Variants in MARCHF1 observed in about 807,000 individuals in gnomAD.
MARCHF1 encodes the protein E3 ubiquitin-protein ligase MARCHF1.
A neutral mutation model predicts 54.2 loss-of-function variants in MARCHF1; 40 were observed. The observed-to-expected ratio is 0.74, with a 90% CI of 0.57 to 0.96. MARCHF1 has a LOEUF of 0.96. Among genes scored for constraint, MARCHF1 ranks in the 40% least tolerant of loss-of-function variants. The pLI is 0.00. For missense variants in MARCHF1, 586 were observed against 656.5 expected, an observed-to-expected ratio of 0.89 and a Z score of 1.17; for synonymous variants, 236 against 236.3, an observed-to-expected ratio of 1.00 and a Z score of 0.01.
chr4:164,136,381 G>C lies in MARCHF1; in HGVS notation c.-322-24719C>G, dbSNP rs540581436. On this transcript the variant is annotated intron_variant, in intron 1 of 9. Transcript: ENST00000514618. ...AGAGGGGCCCAGCTAAGTGCCAACA[G>C]ATATCCCTTGGACTGAAACTCCTTC... 2.3e-3 allele frequency among the ~76,000 whole-genome samples: 344 copies of C among 151,816 alleles called. 2 individuals carry two copies. The highest frequency in any genetic ancestry group is 7.9e-3 in the African/African-American group (326 of 41,290).
intron 3 of MARCHF1, among the ~76,000 whole-genome samples, chr4:163,923,603 A>C (rs1472723422): frequency 1.3e-5 from 2 of 152,092 alleles, no homozygotes; most frequent in Non-Finnish European, 2.9e-5. Flanking sequence ...TGAGCCTAAG[A>C]TCAATATGCT....
Position 163,527,013 on chromosome 4 carries a change from A to C in MARCHF1, c.*1735T>G, listed in dbSNP as rs746379754. The stretch of plus-strand genomic sequence containing the variant: ...GAAGAACAAGCACACTGATAATTAC[A>C]AAGTGCATCCATGTGATACCCAGAT... On this transcript the variant is annotated 3_prime_UTR_variant, in exon 10 of 10. Coordinates refer to ENST00000514618, the MANE Select transcript of MARCHF1 (RefSeq NM_001394959.1). 2 of 151,854 alleles carry C rather than the reference A, an allele frequency of 1.3e-5. No homozygotes were observed. Among genetic ancestry groups the C allele is most frequent in the East Asian group, 3.9e-4 (2 of 5,174 alleles). The allele number at this position is 151,854 out of a possible 1,614,324, so 9.4% of individuals were successfully genotyped here. A position where few individuals can be genotyped will look rare whatever the true frequency, so the allele number is the denominator to read the frequency against.
At chr4:163,825,048 G>A (rs532540061) in intron 4 of MARCHF1, among the ~76,000 whole-genome samples, 4 of 151,946 alleles carry the variant, frequency 2.6e-5, no homozygotes, top group Non-Finnish European at 4.4e-5. Context: ...TGGTGGGACC[G>A]TAAACTAGTT....
At position 163,596,446 on chromosome 4, in the gene MARCHF1, G is replaced by A. The variant is rs185468407; in HGVS notation, c.1011-10517C>T. 2.8e-4 allele frequency among the ~76,000 whole-genome samples: 42 copies of A among 151,214 alleles called. 1 individual carries two copies. Among genetic ancestry groups the A allele is most frequent in the African/African-American group, 9.0e-4 (37 of 41,168 alleles). ...TCCCAGTTGTTTGGGAAGCTGAGGC[G>A]GGAGAATCGCTTGAACTCGGGAGGC... On this transcript the variant is annotated intron_variant, in intron 7 of 9. Coordinates refer to ENST00000514618, the MANE Select transcript of MARCHF1 (RefSeq NM_001394959.1).
intron 8 of MARCHF1, among the ~76,000 whole-genome samples, chr4:163,581,359 G>A (rs1740227563): frequency 6.6e-6 from 1 of 152,122 alleles, no homozygotes; most frequent in Admixed American, 6.5e-5. Flanking sequence ...AGTATGTGGT[G>A]GTCATATCAG....
At chr4:164,060,933 TA>T (rs1323080800) in intron 2 of MARCHF1, among the ~76,000 whole-genome samples, 1 of 152,164 alleles carries the variant, frequency 6.6e-6, no homozygotes, top group Non-Finnish European at 1.5e-5. Context: ...GTTGAATATA[TA>T]AGTGATATAA....
intron 4 of MARCHF1, among the ~76,000 whole-genome samples, chr4:163,730,223 A>C (rs1159497621): frequency 6.6e-6 from 1 of 152,124 alleles, no homozygotes; most frequent in Non-Finnish European, 1.5e-5. Flanking sequence ...TTTCATCTAC[A>C]GAATCTATTT....
At chr4:163,628,782 A>T (rs932577886) in intron 5 of MARCHF1, among the ~76,000 whole-genome samples, 4 of 152,216 alleles carry the variant, frequency 2.6e-5, no homozygotes, top group African/African-American at 9.6e-5. Flanking sequence ...CCAAATCATG[A>T]GTGAACTCCC....
intron 4 of MARCHF1, among the ~76,000 whole-genome samples, chr4:163,754,645 TAAATCCA>T (rs1268501947): frequency 1.3e-5 from 2 of 152,194 alleles, no homozygotes; most frequent in African/African-American, 4.8e-5. Flanking sequence ...TCCCATCACC[TAAATCCA>T]AGACCACGCT....
In MARCHF1 at chr4:163,959,646, CTA is replaced by C. The variant is rs200986804; in HGVS notation, c.-39+28853_-39+28854del. On this transcript the variant is annotated intron_variant, in intron 3 of 9. Transcript: ENST00000514618. ...ATTGAAACTGGACCCCTTCCTTACG[CTA>C]TATAAAAAAATCAACTTAAGAGAGA... Among the ~76,000 whole-genome samples, 371 of 151,886 alleles carry C rather than the reference CTA, an allele frequency of 2.4e-3. 4 individuals carry two copies. The highest frequency in any genetic ancestry group is 0.016 in the Admixed American group (241 of 15,224).
intron 2 of MARCHF1, among the ~76,000 whole-genome samples, chr4:164,015,386 T>G (rs935624366): frequency 2.6e-5 from 4 of 152,094 alleles, no homozygotes; most frequent in Admixed American, 6.5e-5. Flanking sequence ...TCCAGGACAT[T>G]GATGTGGGCA....
chr4:163,528,589 T>C lies in MARCHF1; in HGVS notation c.*159A>G. On this transcript the variant is annotated 3_prime_UTR_variant, in exon 10 of 10. Coordinates refer to ENST00000514618, the MANE Select transcript of MARCHF1 (RefSeq NM_001394959.1). Reference sequence around the variant, plus strand: ...TGGGCTCCTGGGCATTTGGTCTGTTTGTTTTTCTCCTTTCCTCTTTGAACA... The same window carrying C: ...TGGGCTCCTGGGCATTTGGTCTGTTCGTTTTTCTCCTTTCCTCTTTGAACA... 1 of 707,764 alleles carries C rather than the reference T, an allele frequency of 1.4e-6. No homozygotes were observed. Among genetic ancestry groups the C allele is most frequent in the Non-Finnish European group, 2.3e-6 (1 of 437,334 alleles). The allele number at this position is 707,764 out of a possible 1,614,324, so 43.8% of individuals were successfully genotyped here.
At chr4:164,359,737 A>G (rs773745602) in intron 1 of MARCHF1, among the ~76,000 whole-genome samples, 65 of 152,250 alleles carry the variant, frequency 4.3e-4, no homozygotes, top group Middle Eastern at 6.8e-3. Context: ...TGTCCTTATA[A>G]ATACTGACAG....
rs146130875 is a variant in MARCHF1 at position 164,203,279 on chromosome 4, A to G, written c.-322-91617T>C. On this transcript the variant is annotated intron_variant, in intron 1 of 9. Coordinates refer to ENST00000514618, the MANE Select transcript of MARCHF1 (RefSeq NM_001394959.1). Reference sequence around the variant, plus strand: ...ATTCAGGTAAGAGAAAGAAGGAAAGAGAGGGATAGGGGTGTGTGGCTGTGT... The same window carrying G: ...ATTCAGGTAAGAGAAAGAAGGAAAGGGAGGGATAGGGGTGTGTGGCTGTGT... Among the ~76,000 whole-genome samples, 186 of 152,152 alleles carry G rather than the reference A, an allele frequency of 1.2e-3. 1 individual carries two copies. The highest frequency in any genetic ancestry group is 4.1e-3 in the African/African-American group (172 of 41,534).
intron 1 of MARCHF1, among the ~76,000 whole-genome samples, chr4:164,115,246 T>A (rs1291367159): frequency 6.6e-6 from 1 of 152,058 alleles, no homozygotes; most frequent in Non-Finnish European, 1.5e-5. Context: ...TAATCAGTCA[T>A]GAGCAATGAG....
At chr4:163,640,509 G>A (rs1211981692) in intron 5 of MARCHF1, among the ~76,000 whole-genome samples, 1 of 152,120 alleles carries the variant, frequency 6.6e-6, no homozygotes, top group East Asian at 1.9e-4. Context: ...GTCCACACAA[G>A]TGCAAATATA....
chr4:164,323,920 A>G (rs1049138696), intron 1 of MARCHF1, among the ~76,000 whole-genome samples: 9 of 151,834 alleles, frequency 5.9e-5, no homozygotes, highest in Admixed American at 5.9e-4. Context: ...TTTCAAAGTT[A>G]TTTAAAATAT....
intron 2 of MARCHF1, among the ~76,000 whole-genome samples, chr4:164,059,689 C>T (rs1273729686): frequency 1.3e-5 from 2 of 152,042 alleles, no homozygotes; most frequent in Non-Finnish European, 2.9e-5. Flanking sequence ...ATACAGATTT[C>T]CATAATCATG....
chr4:164,007,008 A>G (rs1482279203), intron 2 of MARCHF1, among the ~76,000 whole-genome samples: 1 of 131,272 alleles, frequency 7.6e-6, no homozygotes, highest in Non-Finnish European at 1.7e-5. Context: ...AAAAAAAAAA[A>G]AAAAAAAAAA....
Sources: allele counts gnomAD v4.1 joint callset (sites outside exome capture counted in the v4.1 genomes callset), GRCh38; gene constraint gnomAD v4.1.1; transcripts MANE v1.5; gene names NCBI Gene and HGNC (gene_info 2026-07-23, HGNC 2026-07-21).